Variants in CLEC2A observed in about 807,000 individuals in gnomAD.
The protein encoded by CLEC2A is C-type lectin domain family 2 member A.
Under a neutral mutation model 18.6 loss-of-function variants are expected in CLEC2A, and 19 were observed. The ratio of observed to expected loss-of-function variants is 1.02; its 90% CI spans 0.71 to 1.50. CLEC2A has a LOEUF of 1.50. CLEC2A is among the 40% of genes most tolerant of loss of function. The pLI is 0.00. For missense variants in CLEC2A, 190 were observed against 207.9 expected (o/e 0.91, Z 0.53); for synonymous variants, 74 against 64.0 (o/e 1.16, Z -0.75).
In CLEC2A at chr12:9,913,659, T is replaced by A. The variant is rs1255941238; in HGVS notation, c.432A>T (p.Gly144=). 1.9e-6 allele frequency: 3 copies of A among 1,548,218 alleles called. No individual in the cohort carries two copies. The highest frequency in any genetic ancestry group is 2.6e-6 in the Non-Finnish European group (3 of 1,146,414). The change falls in exon 5 of 5, where the codon GGA becomes GGT. Residue 144 remains glycine, a synonymous_variant. Coordinates refer to ENST00000455827, the MANE Select transcript of CLEC2A (RefSeq NM_001130711.2). The part of the protein sequence containing the change: ...FNGWFEIIGN[G]SFAFLSADGV... ...CATCAGCACTCAAGAAAGCAAAGGA[T>A]CCGTTCCCTATAATTTCAAACCTGA...
chr12:9,890,155 A>G, the CLEC2A span, among the ~76,000 whole-genome samples: 1 of 152,208 alleles, frequency 6.6e-6, no homozygotes, highest in Admixed American at 6.5e-5. Context: ...ATACTTCAAT[A>G]TGTGAATCTT....
At chr12:9,901,009 T>C (rs948211882) in intron 4 of CLEC2A, among the ~76,000 whole-genome samples, 6 of 152,206 alleles carry the variant, frequency 3.9e-5, no homozygotes, top group Non-Finnish European at 7.3e-5. Flanking sequence ...GCTCCAGGTC[T>C]TGATTACAGG....
At chr12:9,930,018 C>A (rs1255042809) in intron 1 of CLEC2A, among the ~76,000 whole-genome samples, 1 of 152,068 alleles carries the variant, frequency 6.6e-6, no homozygotes, top group African/African-American at 2.4e-5. Context: ...CAAGTTGTCA[C>A]AAACTGGGCG....
rs539062507 is a variant in CLEC2A, at chr12:9,922,337, G to A, written c.140-105C>T. On this transcript the variant is annotated intron_variant, in intron 2 of 4. Coordinates refer to ENST00000455827, the MANE Select transcript of CLEC2A (RefSeq NM_001130711.2). ...TTTTTGCTTCCACAGTTTGAGGCCC[G>A]TAAGTTAGCTTCCCCCCTCCCCAGA... The A allele has an allele frequency of 2.0e-5, 17 of 841,356 alleles. 1 individual carries two copies. Among genetic ancestry groups the A allele is most frequent in the South Asian group, 9.2e-5 (3 of 32,464 alleles). 52.1% of individuals were successfully genotyped at this position (841,356 alleles called of 1,614,324 possible).
chr12:9,917,545 A>G (rs1040709486), intron 3 of CLEC2A, among the ~76,000 whole-genome samples: 1 of 152,196 alleles, frequency 6.6e-6, no homozygotes, highest in African/African-American at 2.4e-5. Context: ...TAGATCAAAG[A>G]TAAAAGTAGA....
the CLEC2A span, chr12:9,884,932 A>G: frequency 2.3e-5 from 25 of 1,089,316 alleles, no homozygotes; most frequent in South Asian, 5.4e-4. Context: ...TCAACATTTC[A>G]GATTTCTCCC....
the CLEC2A span, chr12:9,893,587 A>G: frequency 3.0e-6 from 2 of 657,828 alleles, no homozygotes; most frequent in East Asian, 3.1e-5. Flanking sequence ...TTATAGAATT[A>G]TTTTTATATT....
chr12:9,917,563 A>G (rs1488661114), intron 3 of CLEC2A, among the ~76,000 whole-genome samples: 1 of 152,240 alleles, frequency 6.6e-6, no homozygotes, highest in Non-Finnish European at 1.5e-5. Flanking sequence ...AGACAGACTC[A>G]TTAGTTCACA....
Position 9,926,248 on chromosome 12 carries a change from T to C in CLEC2A, c.139+12A>G. The C allele has an allele frequency of 6.8e-7, 1 of 1,479,026 alleles. No homozygotes were observed. Among genetic ancestry groups the C allele is most frequent in the South Asian group, 1.2e-5 (1 of 82,508 alleles). The allele number at this position is 1,479,026 out of a possible 1,614,324, so 91.6% of individuals were successfully genotyped here. ...GAAGAACCATAGAAAGTGTATGAAT[T>C]AAACCACTCACCTATCATAATAATG... is the stretch of plus-strand genomic sequence containing the variant. On this transcript the variant is annotated intron_variant, in intron 2 of 4. Transcript: ENST00000455827.
downstream of CLEC2A, among the ~76,000 whole-genome samples, chr12:9,897,411 T>A (rs1277488989): frequency 1.3e-5 from 2 of 152,198 alleles, no homozygotes; most frequent in African/African-American, 4.8e-5. Flanking sequence ...AATCTAATTC[T>A]GCCTCTTTTT....
intron 4 of CLEC2A, among the ~76,000 whole-genome samples, chr12:9,913,930 AG>A (rs1410399443): frequency 6.6e-6 from 1 of 152,194 alleles, no homozygotes; most frequent in Non-Finnish European, 1.5e-5. Context: ...AGACACATAT[AG>A]GTATACAAAG....
intron 2 of CLEC2A, among the ~76,000 whole-genome samples, chr12:9,923,078 G>A (rs1406497197): frequency 6.6e-6 from 1 of 152,134 alleles, no homozygotes; most frequent in Non-Finnish European, 1.5e-5. Context: ...AGAGTGTGCA[G>A]GTTTGTGACG....
chr12:9,918,875 T>C (rs938087727), intron 3 of CLEC2A, among the ~76,000 whole-genome samples: 4 of 152,240 alleles, frequency 2.6e-5, no homozygotes, highest in Non-Finnish European at 5.9e-5. Context: ...ATCTCTTTTC[T>C]GTTTGTTTTC....
the CLEC2A span, chr12:9,888,914 C>T: frequency 2.0e-6 from 1 of 506,578 alleles, no homozygotes; most frequent in Non-Finnish European, 3.6e-6. Flanking sequence ...CTGAAAAGGA[C>T]ATCCTCTTCC....
chr12:9,886,781 A>AG, the CLEC2A span, among the ~76,000 whole-genome samples: 55 of 145,170 alleles, frequency 3.8e-4, 1 homozygote, highest in East Asian at 6.6e-3. Flanking sequence ...AAAAAAAAAA[A>AG]AGAGAGAAGA....
chr12:9,903,118 G>T (rs1394284681), intron 4 of CLEC2A, among the ~76,000 whole-genome samples: 3 of 151,994 alleles, frequency 2.0e-5, no homozygotes, highest in African/African-American at 7.3e-5. Flanking sequence ...AAAGAACAAG[G>T]ACATTACACA....
intron 1 of CLEC2A, among the ~76,000 whole-genome samples, chr12:9,930,283 C>T (rs937737190): frequency 6.6e-6 from 1 of 152,120 alleles, no homozygotes; most frequent in Admixed American, 6.5e-5. Flanking sequence ...ACACTATCTC[C>T]AAACCAGATC....
At position 9,916,804 on chromosome 12, in the gene CLEC2A, C is replaced by A; in HGVS notation, c.307-1G>T. On this transcript the variant is annotated splice_acceptor_variant, in intron 3 of 4. Coordinates refer to ENST00000455827, the MANE Select transcript of CLEC2A (RefSeq NM_001130711.2). LOFTEE classifies it high-confidence loss of function. The stretch of plus-strand genomic sequence containing the variant: ...TTCCTGCGTACCTCTTCAAAAATTC[C>A]TTTCACAAAACAAAGGGAATCAGCG... 1 of 1,544,268 alleles carries A rather than the reference C, an allele frequency of 6.5e-7. No individual in the cohort carries two copies. The highest frequency in any genetic ancestry group is 8.8e-7 in the Non-Finnish European group (1 of 1,140,250).
chr12:9,910,129 C>T (rs1591787985), downstream of CLEC2A, among the ~76,000 whole-genome samples: 1 of 152,204 alleles, frequency 6.6e-6, no homozygotes, highest in Middle Eastern at 3.4e-3. Context: ...CAAATTTTGG[C>T]CAGAAAATTG....
Sources: allele counts gnomAD v4.1 joint callset (sites outside exome capture counted in the v4.1 genomes callset), GRCh38; gene constraint gnomAD v4.1.1; transcripts MANE v1.5; gene names NCBI Gene and HGNC (gene_info 2026-07-23, HGNC 2026-07-21).